The following EFR3B variants were observed in gnomAD, a reference collection of about 807,000 sequenced individuals.
EFR3B encodes the protein EFR3 homolog B, also known as protein EFR3 homolog B.
A neutral mutation model predicts 104.7 loss-of-function variants in EFR3B; 64 were observed. That is an observed-to-expected ratio of 0.61 (90% CI 0.50 to 0.75). EFR3B has a LOEUF of 0.75. Ranked by LOEUF, EFR3B falls within the 30% of genes least tolerant of loss-of-function variation. EFR3B has a pLI of 0.00. For synonymous variants in EFR3B, 385 were observed against 417.9 expected (o/e 0.92, Z 0.96); for missense variants, 750 against 1,078.5 (o/e 0.70, Z 4.27).
At chr2:25,104,864 A>G (rs1199321489) in intron 4 of EFR3B, among the ~76,000 whole-genome samples, 1 of 152,228 alleles carries the variant, frequency 6.6e-6, no homozygotes, top group Non-Finnish European at 1.5e-5. Flanking sequence ...TCTCAGTGCA[A>G]ATGGCTGCGG....
Position 25,051,517 on chromosome 2 carries a change from G to A in EFR3B, c.7+9198G>A, listed in dbSNP as rs571162167. Among the ~76,000 whole-genome samples, 378 of 152,058 alleles carry A rather than the reference G, an allele frequency of 2.5e-3. 4 individuals are homozygous for A. Among genetic ancestry groups the A allele is most frequent in the Middle Eastern group, 6.8e-3 (2 of 294 alleles). On this transcript the variant is annotated intron_variant, in intron 1 of 22. Coordinates refer to ENST00000403714, the MANE Select transcript of EFR3B (RefSeq NM_014971.2). ...AGGCCATCTGGTCACACTCCTTTGCGTACCATATTTTAATTCACCGCATGG... is the reference window on the plus strand; with the variant it reads ...AGGCCATCTGGTCACACTCCTTTGCATACCATATTTTAATTCACCGCATGG...
At chr2:25,073,050 G>A (rs1668539078) in intron 1 of EFR3B, among the ~76,000 whole-genome samples, 1 of 152,200 alleles carries the variant, frequency 6.6e-6, no homozygotes, top group African/African-American at 2.4e-5. Context: ...AAGATTTGAT[G>A]CATTATTGTG....
At chr2:25,065,047 G>C (rs1668294512) in intron 1 of EFR3B, among the ~76,000 whole-genome samples, 1 of 151,892 alleles carries the variant, frequency 6.6e-6, no homozygotes, top group African/African-American at 2.4e-5. Flanking sequence ...GGTGTTAGAA[G>C]CAGCCTGCAT....
intron 5 of EFR3B, among the ~76,000 whole-genome samples, chr2:25,123,494 T>G (rs1195570464): frequency 6.6e-6 from 1 of 152,170 alleles, no homozygotes; most frequent in Non-Finnish European, 1.5e-5. Context: ...GAGACTCTCA[T>G]AAGCCAGGTG....
At chr2:25,138,835 AC>A (rs1670587111) in intron 15 of EFR3B, among the ~76,000 whole-genome samples, 1 of 152,120 alleles carries the variant, frequency 6.6e-6, no homozygotes, top group Admixed American at 6.6e-5. Flanking sequence ...GTCTGTGAGT[AC>A]TCAAGAGCCT....
intron 16 of EFR3B, 86 bp from the exon 17 acceptor site, chr2:25,141,280 C>G: frequency 7.1e-7 from 1 of 1,414,042 alleles, no homozygotes; most frequent in African/African-American, 1.4e-5. Flanking sequence ...GAGGAAGCAC[C>G]GAGCCGGGCA....
At chr2:25,050,933 A>C (rs558979855) in intron 1 of EFR3B, among the ~76,000 whole-genome samples, 1 of 152,292 alleles carries the variant, frequency 6.6e-6, no homozygotes, top group Admixed American at 6.5e-5. Flanking sequence ...AAATATAGTC[A>C]CTTTAATCTG....
chr2:25,049,237 T>A (rs1667802072), intron 1 of EFR3B, among the ~76,000 whole-genome samples: 1 of 152,196 alleles, frequency 6.6e-6, no homozygotes, highest in Non-Finnish European at 1.5e-5. Flanking sequence ...CTTACATTCT[T>A]TATTATTAGT....
At chr2:25,084,338 G>A (rs34279159) in intron 1 of EFR3B, among the ~76,000 whole-genome samples, 11,223 of 152,100 alleles carry the variant, frequency 0.074, 539 homozygotes, top group Non-Finnish European at 0.12. Context: ...CCAGATTCAA[G>A]CGATTCTTGT....
Position 25,093,181 on chromosome 2 carries a change from G to A in EFR3B, c.212+51G>A, listed in dbSNP as rs1468319099. ...GAGATTGTCAGGAACTATATTGTTA[G>A]GCTAAACATAGGGTCCTTTTAAGAA... On this transcript the variant is annotated intron_variant, in intron 3 of 22. Transcript: ENST00000403714. 2.6e-6 allele frequency: 4 copies of A among 1,539,702 alleles called. No individual in the cohort carries two copies. In the Middle Eastern group the frequency reaches 5.0e-4, roughly 194 times the overall value.
rs915735074 is a variant in EFR3B at position 25,131,823 on chromosome 2, G to A, written c.1059G>A (p.Gly353=). ...LRLSIDYALT[G]SYDGAVSLGT... is the part of the protein sequence containing the mutation. ...TCAGCATCGACTACGCGCTGACCGG[G>A]AGCTACGACGGGGCGGTCAGCCTCG... The change falls in exon 10 of 23, where the codon GGG becomes GGA. Residue 353 remains glycine (G), a synonymous_variant. Transcript: ENST00000403714. This position sits in a 1 kb window ranked among gnomAD's most constrained non-coding sequence, Gnocchi z 7.6. The A allele has an allele frequency of 1.9e-6, 3 of 1,549,916 alleles. No homozygotes were observed. Among genetic ancestry groups the A allele is most frequent in the African/African-American group, 2.7e-5 (2 of 73,010 alleles).
In EFR3B at chr2:25,154,589, C is replaced by T. The variant is rs1382989156; in HGVS notation, c.*249C>T. 3.3e-5 allele frequency: 15 copies of T among 458,108 alleles called. No homozygotes were observed. In the East Asian group the frequency reaches 4.5e-4, roughly 14 times the overall value. 28.4% of individuals were successfully genotyped at this position (458,108 alleles called of 1,614,324 possible). A position where few individuals can be genotyped will look rare whatever the true frequency, so the allele number is the denominator to read the frequency against. On this transcript the variant is annotated 3_prime_UTR_variant, in exon 23 of 23. Transcript: ENST00000403714. The surrounding 1 kb of genome is among the most constrained non-coding windows in gnomAD (Gnocchi z 4.1). ...GTGCCCTCTTTGTCTTCTCTTGTGT[C>T]AGCCAGGGGCAGAGAATCATGGGGT...
intron 12 of EFR3B, 82 bp downstream of exon 12, chr2:25,133,516 A>G: frequency 7.4e-7 from 1 of 1,357,302 alleles, no homozygotes; most frequent in South Asian, 1.2e-5. Context: ...GCCTCCACAT[A>G]CAGTCGTGCA....
chr2:25,092,190 T>G (rs568881450), intron 2 of EFR3B, among the ~76,000 whole-genome samples: 127 of 151,862 alleles, frequency 8.4e-4, no homozygotes, highest in Non-Finnish European at 1.2e-3. Flanking sequence ...TGCCTCAGCC[T>G]CCTGAGTAGC....
intron 3 of EFR3B, among the ~76,000 whole-genome samples, chr2:25,100,920 G>C (rs2149189876): frequency 6.6e-6 from 1 of 152,348 alleles, no homozygotes; most frequent in East Asian, 1.9e-4. Flanking sequence ...CCTTGCAATG[G>C]TCTCCCATCT....
chr2:25,125,756 G>A (rs575763780), intron 5 of EFR3B, among the ~76,000 whole-genome samples: 1 of 152,194 alleles, frequency 6.6e-6, no homozygotes, highest in Non-Finnish European at 1.5e-5. Context: ...AGACCATCCT[G>A]GCTAACACGG....
intron 13 of EFR3B, among the ~76,000 whole-genome samples, chr2:25,135,910 G>C (rs1670503843): frequency 1.3e-5 from 2 of 152,192 alleles, no homozygotes; most frequent in Admixed American, 1.3e-4. Context: ...AAGATAGAGA[G>C]TAGGCATTAA....
chr2:25,047,111 AAAT>A (rs1667744507), intron 1 of EFR3B, among the ~76,000 whole-genome samples: 1 of 152,228 alleles, frequency 6.6e-6, no homozygotes, highest in Non-Finnish European at 1.5e-5. Flanking sequence ...ACATAAATAA[AAAT>A]AAAAAGGTAA....
chr2:25,121,048 G>T (rs1407782748), intron 4 of EFR3B, among the ~76,000 whole-genome samples: 1 of 151,980 alleles, frequency 6.6e-6, no homozygotes, highest in Non-Finnish European at 1.5e-5. Context: ...AATTACAGGT[G>T]CCTGCCACCA....
Sources: allele counts gnomAD v4.1 joint callset (sites outside exome capture counted in the v4.1 genomes callset), GRCh38; gene constraint gnomAD v4.1.1; non-coding constraint Gnocchi (gnomAD v3.1); transcripts MANE v1.5; gene names NCBI Gene and HGNC (gene_info 2026-07-23, HGNC 2026-07-21).